CDH4: variants seen among roughly 807,000 people sequenced by gnomAD.
CDH4 encodes cadherin 4.
Under a neutral mutation model 86.0 loss-of-function variants are expected in CDH4, and 33 were observed. The observed-to-expected ratio is 0.38, with a 90% CI of 0.29 to 0.51. CDH4 has a LOEUF of 0.51. Ranked by LOEUF, CDH4 falls within the 20% of genes least tolerant of loss-of-function variation. CDH4 has a pLI of 0.86. For missense variants in CDH4, 1,114 were observed against 1,307.4 expected (o/e 0.85, Z 2.28); for synonymous variants, 555 against 549.4 (o/e 1.01, Z -0.14).
At chr20:61,840,652 T>C (rs945443812) in intron 4 of CDH4, among the ~76,000 whole-genome samples, 9 of 152,152 alleles carry the variant, frequency 5.9e-5, no homozygotes, top group African/African-American at 2.2e-4. Context: ...TGGAGGCGCC[T>C]GTCTGTGCTC....
chr20:61,919,819 T>C (rs923167776), intron 9 of CDH4, among the ~76,000 whole-genome samples: 2 of 124,942 alleles, frequency 1.6e-5, no homozygotes, highest in African/African-American at 3.2e-5. Context: ...TGGAAGTGTG[T>C]CGTGATTGCA....
intron 2 of CDH4, among the ~76,000 whole-genome samples, chr20:61,672,157 G>C (rs2087397387): frequency 6.6e-6 from 1 of 151,752 alleles, no homozygotes; most frequent in African/African-American, 2.4e-5. Flanking sequence ...GGGTGGATGG[G>C]TTGATGGATA....
intron 4 of CDH4, among the ~76,000 whole-genome samples, chr20:61,812,670 G>A (rs1980499535): frequency 6.6e-6 from 1 of 152,226 alleles, no homozygotes; most frequent in African/African-American, 2.4e-5. Context: ...CAGTTATGTA[G>A]AAGATTGCTC....
At chr20:61,405,827 C>T (rs2085078511) in intron 2 of CDH4, among the ~76,000 whole-genome samples, 1 of 152,056 alleles carries the variant, frequency 6.6e-6, no homozygotes, top group Admixed American at 6.6e-5. Context: ...ACTACAGGCG[C>T]CCGCCATCAC....
At chr20:61,782,841 T>C (rs1437997742) in intron 4 of CDH4, among the ~76,000 whole-genome samples, 1 of 152,208 alleles carries the variant, frequency 6.6e-6, no homozygotes, top group South Asian at 2.1e-4. Flanking sequence ...CCCAGCACTT[T>C]GGGAGGCCGA....
At chr20:61,747,178 A>C (rs370670351) in intron 3 of CDH4, among the ~76,000 whole-genome samples, 1 of 152,220 alleles carries the variant, frequency 6.6e-6, no homozygotes, top group East Asian at 1.9e-4. Context: ...GCGGTGGCTC[A>C]CGCCTGTAAT....
At chr20:61,612,717 G>C (rs1014302815) in intron 2 of CDH4, among the ~76,000 whole-genome samples, 4 of 152,208 alleles carry the variant, frequency 2.6e-5, no homozygotes, top group African/African-American at 9.6e-5. Flanking sequence ...CTAATTTAAG[G>C]ACTCTCTACC....
intron 5 of CDH4, among the ~76,000 whole-genome samples, chr20:61,846,806 C>T (rs1209506843): frequency 6.6e-6 from 1 of 152,180 alleles, no homozygotes; most frequent in African/African-American, 2.4e-5. Flanking sequence ...CAGCCCACTT[C>T]TTCCTGGTGT....
intron 2 of CDH4, among the ~76,000 whole-genome samples, chr20:61,534,315 A>G (rs1411500722): frequency 6.6e-6 from 1 of 152,174 alleles, no homozygotes; most frequent in East Asian, 1.9e-4. Context: ...TGGGGAGGGT[A>G]TCGGGGCAGG....
chr20:61,706,927 G>C (rs73915363), intron 2 of CDH4, among the ~76,000 whole-genome samples: 1 of 152,224 alleles, frequency 6.6e-6, no homozygotes, highest in Non-Finnish European at 1.5e-5. Flanking sequence ...TCTGTGGCAC[G>C]TGGTGGGGGC....
intron 4 of CDH4, among the ~76,000 whole-genome samples, chr20:61,797,834 G>C (rs540306882): frequency 1.3e-5 from 2 of 152,174 alleles, no homozygotes; most frequent in Admixed American, 1.3e-4. Flanking sequence ...CCCCACTGAG[G>C]TTCTGGCGGA....
At chr20:61,702,462 G>A (rs2087787162) in intron 2 of CDH4, among the ~76,000 whole-genome samples, 1 of 152,152 alleles carries the variant, frequency 6.6e-6, no homozygotes, top group African/African-American at 2.4e-5. Context: ...CCTCCCAAAC[G>A]CAGCCCAAGT....
chr20:61,412,003 C>A (rs2085122244), intron 2 of CDH4, among the ~76,000 whole-genome samples: 1 of 152,218 alleles, frequency 6.6e-6, no homozygotes, highest in African/African-American at 2.4e-5. Context: ...GAAGGACACC[C>A]TGCCCTTGAG....
chr20:61,479,016 A>G (rs1246163623), intron 2 of CDH4, among the ~76,000 whole-genome samples: 2 of 145,290 alleles, frequency 1.4e-5, no homozygotes, highest in Non-Finnish European at 3.0e-5. Context: ...GTGTGTTTGT[A>G]TGTTTTCTTT....
chr20:61,628,359 C>T (rs923910813), intron 2 of CDH4, among the ~76,000 whole-genome samples: 6 of 152,122 alleles, frequency 3.9e-5, no homozygotes, highest in African/African-American at 1.4e-4. Context: ...CCGGTCACTG[C>T]TCTGTCAAAG....
At chr20:61,934,936 G>A (rs1397007691) in intron 15 of CDH4, among the ~76,000 whole-genome samples, 1 of 152,228 alleles carries the variant, frequency 6.6e-6, no homozygotes, top group Non-Finnish European at 1.5e-5. Context: ...TGTCGCCAGG[G>A]CAACACTCAG....
chr20:61,599,109 T>C (rs2086578593), intron 2 of CDH4, among the ~76,000 whole-genome samples: 1 of 152,124 alleles, frequency 6.6e-6, no homozygotes, highest in African/African-American at 2.4e-5. Context: ...GGACCTCCAA[T>C]CCGCCCCTGC....
At chr20:61,511,415 C>A (rs1380937061) in intron 2 of CDH4, among the ~76,000 whole-genome samples, 2 of 152,188 alleles carry the variant, frequency 1.3e-5, no homozygotes, top group African/African-American at 4.8e-5. Context: ...TTGTGTGTTT[C>A]ACCATAATGC....
intron 9 of CDH4, among the ~76,000 whole-genome samples, chr20:61,921,798 C>G (rs971752478): frequency 6.6e-6 from 1 of 151,710 alleles, no homozygotes; most frequent in Non-Finnish European, 1.5e-5. Context: ...AAATAGAGAG[C>G]AAACTCACAA....
Sources: allele counts gnomAD v4.1 joint callset (sites outside exome capture counted in the v4.1 genomes callset), GRCh38; gene constraint gnomAD v4.1.1; transcripts MANE v1.5; gene names NCBI Gene and HGNC (gene_info 2026-07-23, HGNC 2026-07-21).